The following ADAMTSL3 variants were observed in gnomAD, a reference collection of about 807,000 sequenced individuals.
The protein encoded by ADAMTSL3 is ADAMTS-like protein 3.
ADAMTSL3 carries 128 observed loss-of-function variants against 201.7 expected under a neutral mutation model. The ratio of observed to expected loss-of-function variants is 0.63; its 90% CI spans 0.55 to 0.73. ADAMTSL3 has a LOEUF of 0.73. Ranked by LOEUF, ADAMTSL3 falls within the 30% of genes least tolerant of loss-of-function variation. ADAMTSL3 has a pLI of 0.00. For synonymous variants in ADAMTSL3, 738 were observed against 748.4 expected (o/e 0.99, Z 0.23); for missense variants, 1,990 against 2,119.6 (o/e 0.94, Z 1.20).
intron 16 of ADAMTSL3, among the ~76,000 whole-genome samples, chr15:83,915,723 T>C (rs1271538236): frequency 2.0e-5 from 3 of 152,228 alleles, no homozygotes; most frequent in Non-Finnish European, 4.4e-5. Context: ...ATTATGGACG[T>C]TGCATGTAAT....
At chr15:83,735,316 A>G (rs1418420778) in intron 3 of ADAMTSL3, among the ~76,000 whole-genome samples, 1 of 152,140 alleles carries the variant, frequency 6.6e-6, no homozygotes, top group Non-Finnish European at 1.5e-5. Flanking sequence ...GAGAAACACA[A>G]TCAGTTGCAG....
chr15:83,743,337 C>T (rs1020920690), intron 3 of ADAMTSL3, among the ~76,000 whole-genome samples: 1 of 151,796 alleles, frequency 6.6e-6, no homozygotes, highest in Admixed American at 6.6e-5. Context: ...CAAGGTGAAA[C>T]CCCGTCTCTA....
At chr15:83,845,907 G>C (rs372519034) in intron 7 of ADAMTSL3, among the ~76,000 whole-genome samples, 1 of 152,090 alleles carries the variant, frequency 6.6e-6, no homozygotes, top group Non-Finnish European at 1.5e-5. Flanking sequence ...CCCCCTCATT[G>C]GTATGTGAGC....
In ADAMTSL3 at chr15:83,945,368, G is replaced by C. The variant is rs186593941; in HGVS notation, c.2490+2286G>C. On this transcript the variant is annotated intron_variant, in intron 19 of 29. Coordinates refer to ENST00000286744, the MANE Select transcript of ADAMTSL3 (RefSeq NM_207517.3). ...ACCCCAAAGGAGGGTGGGAAGGACAGGTAGAAGGTCTGTCTGGAGAGCTTT... is the reference window on the plus strand; with the variant it reads ...ACCCCAAAGGAGGGTGGGAAGGACACGTAGAAGGTCTGTCTGGAGAGCTTT... 2.0e-3 allele frequency among the ~76,000 whole-genome samples: 303 copies of C among 152,312 alleles called. 1 individual carries two copies. Among genetic ancestry groups the C allele is most frequent in the South Asian group, 0.012 (57 of 4,814 alleles).
intron 8 of ADAMTSL3, among the ~76,000 whole-genome samples, chr15:83,864,029 C>T (rs141978916): frequency 0.14 from 21,072 of 152,130 alleles, 1,899 homozygotes; most frequent in Middle Eastern, 0.33. Context: ...TGGATAAATT[C>T]CTTGATATAT....
chr15:83,689,520 G>A (rs182310656), intron 2 of ADAMTSL3, among the ~76,000 whole-genome samples: 1 of 152,196 alleles, frequency 6.6e-6, no homozygotes, highest in East Asian at 1.9e-4. Context: ...GCTCAGTATT[G>A]TAGTTTTAAA....
chr15:83,745,040 C>T (rs895377606), intron 3 of ADAMTSL3, among the ~76,000 whole-genome samples: 14 of 152,192 alleles, frequency 9.2e-5, no homozygotes, highest in Non-Finnish European at 5.9e-5. Flanking sequence ...GCCTGCCCTG[C>T]CCCACATCCT....
chr15:83,706,384 T>C (rs928647377), intron 3 of ADAMTSL3, among the ~76,000 whole-genome samples: 2 of 152,192 alleles, frequency 1.3e-5, no homozygotes, highest in African/African-American at 4.8e-5. Flanking sequence ...AATTTCATCC[T>C]AGGACATAGT....
chr15:83,857,191 A>G (rs1567193218), intron 7 of ADAMTSL3, among the ~76,000 whole-genome samples: 1 of 152,088 alleles, frequency 6.6e-6, no homozygotes, highest in East Asian at 1.9e-4. Flanking sequence ...TTGAGTTACA[A>G]GTATTCTTTA....
chr15:83,754,187 G>C (rs1295979946), intron 3 of ADAMTSL3, among the ~76,000 whole-genome samples: 1 of 152,118 alleles, frequency 6.6e-6, no homozygotes, highest in Non-Finnish European at 1.5e-5. Context: ...ATGTCTCCAG[G>C]CATCTCAAAA....
At chr15:83,974,117 TAGTGACTGA>T (rs1054217680) in intron 20 of ADAMTSL3, among the ~76,000 whole-genome samples, 1 of 152,192 alleles carries the variant, frequency 6.6e-6, no homozygotes, top group Non-Finnish European at 1.5e-5. Flanking sequence ...TCCCCATAGC[TAGTGACTGA>T]AGTTCTTCCT....
At chr15:83,721,222 C>T (rs1455193964) in intron 3 of ADAMTSL3, among the ~76,000 whole-genome samples, 2 of 152,074 alleles carry the variant, frequency 1.3e-5, no homozygotes, top group East Asian at 1.9e-4. Context: ...AGGAAGTTAC[C>T]CTGAAGTTCC....
intron 5 of ADAMTSL3, among the ~76,000 whole-genome samples, chr15:83,805,782 A>G (rs1278192636): frequency 2.0e-5 from 3 of 152,208 alleles, no homozygotes. Flanking sequence ...GAATAGCAGA[A>G]TGCCTGTGGC....
intron 3 of ADAMTSL3, among the ~76,000 whole-genome samples, chr15:83,751,370 C>T (rs1318192455): frequency 6.6e-6 from 1 of 152,078 alleles, no homozygotes; most frequent in Admixed American, 6.5e-5. Context: ...AAGCAGAGCC[C>T]AAATTAATAG....
At chr15:83,857,054 AT>A (rs2064751153) in intron 7 of ADAMTSL3, among the ~76,000 whole-genome samples, 1 of 151,764 alleles carries the variant, frequency 6.6e-6, no homozygotes, top group African/African-American at 2.4e-5. Flanking sequence ...TGTGGTTTTG[AT>A]TTTCAATTCC....
intron 21 of ADAMTSL3, among the ~76,000 whole-genome samples, chr15:83,987,606 C>G (rs1031205210): frequency 6.6e-6 from 1 of 152,130 alleles, no homozygotes; most frequent in African/African-American, 2.4e-5. Flanking sequence ...TGATCCAGGA[C>G]TCAGTGGGCG....
intron 4 of ADAMTSL3, among the ~76,000 whole-genome samples, chr15:83,791,952 T>C (rs1034565686): frequency 6.6e-6 from 1 of 152,056 alleles, no homozygotes; most frequent in African/African-American, 2.4e-5. Flanking sequence ...AGAAAAGCTC[T>C]ATGACATTTG....
chr15:83,972,682 C>T (rs907684246), intron 20 of ADAMTSL3, among the ~76,000 whole-genome samples: 14 of 152,014 alleles, frequency 9.2e-5, no homozygotes, highest in African/African-American at 3.1e-4. Context: ...TTCTTTACTC[C>T]ACCCCACTCC....
intron 2 of ADAMTSL3, among the ~76,000 whole-genome samples, chr15:83,671,584 C>T (rs550865364): frequency 6.6e-6 from 1 of 152,140 alleles, no homozygotes; most frequent in Admixed American, 6.5e-5. Flanking sequence ...TTATGTGTAT[C>T]CCAAGGATAT....
Sources: gnomAD v4.1 joint callset for allele counts (sites outside exome capture counted in the v4.1 genomes callset) on GRCh38, gnomAD v4.1.1 for gene constraint, MANE v1.5 for transcripts, NCBI Gene and HGNC (gene_info 2026-07-23, HGNC 2026-07-21) for gene names.